Variants in DENND2C observed in about 807,000 individuals in gnomAD.
The protein encoded by DENND2C is DENN domain containing 2C.
A neutral mutation model predicts 112.4 loss-of-function variants in DENND2C; 72 were observed. The observed-to-expected ratio is 0.64, with a 90% CI of 0.53 to 0.78. DENND2C has a LOEUF of 0.78. DENND2C is among the 30% of genes least tolerant of loss of function. The pLI is 0.00. For missense variants in DENND2C, 992 were observed against 1,113.8 expected (o/e 0.89, Z 1.56); for synonymous variants, 329 against 381.6 (o/e 0.86, Z 1.61).
intron 3 of DENND2C, among the ~76,000 whole-genome samples, chr1:114,640,598 A>G (rs1197562169): frequency 6.6e-6 from 1 of 152,208 alleles, no homozygotes; most frequent in East Asian, 1.9e-4. Flanking sequence ...CGTCTGTTCT[A>G]GAGACATTAA....
Position 114,585,567 on chromosome 1 carries a change from G to A in DENND2C, c.*33C>T. ...AAAAATATTTTCTTTGGCACTTTCT[G>A]TTGTATATTCAGGATGGAGACAATC... is the stretch of plus-strand genomic sequence containing the variant. On this transcript the variant is annotated 3_prime_UTR_variant, in exon 21 of 21. Transcript: ENST00000393274. 1 of 1,610,282 alleles carries A rather than the reference G, an allele frequency of 6.2e-7. No individual in the cohort carries two copies. The highest frequency in any genetic ancestry group is 1.1e-5 in the South Asian group (1 of 90,916).
intron 2 of DENND2C, among the ~76,000 whole-genome samples, chr1:114,648,503 TAAGAG>T (rs931328671): frequency 1.3e-5 from 2 of 152,202 alleles, no homozygotes; most frequent in African/African-American, 2.4e-5. Flanking sequence ...TAAGGCTGTA[TAAGAG>T]AAGAATTACA....
chr1:114,587,770 G>A lies in DENND2C; in HGVS notation c.2614C>T (p.Gln872Ter). ...RHFLDLFMET[Q>*]MFAGFIQDRE... ...TCCTGGATGAATCCTGCAAACATCT[G>A]AGTTTCCATGAAGAGATCCAGGAAG... Residue 872 changes from glutamine to a stop codon, truncating the protein, a stop_gained, in exon 19 of 21, where the codon CAG becomes TAG. Transcript: ENST00000393274. LOFTEE classifies it high-confidence loss of function. 1 of 1,614,062 alleles carries A rather than the reference G, an allele frequency of 6.2e-7. No homozygotes were observed.
chr1:114,660,855 G>C (rs1657471046), intron 1 of DENND2C, among the ~76,000 whole-genome samples: 1 of 152,084 alleles, frequency 6.6e-6, no homozygotes, highest in Admixed American at 6.5e-5. Context: ...TCTCATGCCT[G>C]TAATCCCTGC....
At chr1:114,657,887 A>C (rs1321199307) in intron 1 of DENND2C, among the ~76,000 whole-genome samples, 1 of 152,182 alleles carries the variant, frequency 6.6e-6, no homozygotes, top group Admixed American at 6.5e-5. Context: ...AAAAGAAACA[A>C]GGGTATAAAG....
intron 1 of DENND2C, among the ~76,000 whole-genome samples, chr1:114,657,016 G>T (rs1003027493): frequency 1.3e-5 from 2 of 152,198 alleles, no homozygotes; most frequent in South Asian, 4.1e-4. Flanking sequence ...CTCCCAAAGT[G>T]CTGGGATTAC....
At chr1:114,649,726 A>C (rs892768229) in intron 2 of DENND2C, among the ~76,000 whole-genome samples, 11 of 152,186 alleles carry the variant, frequency 7.2e-5, no homozygotes, top group African/African-American at 1.2e-4. Context: ...ATTCTTAGCA[A>C]GACACTGAAA....
chr1:114,601,419 T>TAG (rs1655501599), intron 13 of DENND2C, 89 bp downstream of exon 13: 1 of 1,344,978 alleles, frequency 7.4e-7, no homozygotes, highest in African/African-American at 1.5e-5. Flanking sequence ...ATAGGGAACC[T>TAG]TTCTGAAGTA....
At chr1:114,616,317 A>C (rs1655970497) in intron 8 of DENND2C, among the ~76,000 whole-genome samples, 1 of 151,166 alleles carries the variant, frequency 6.6e-6, no homozygotes, top group Non-Finnish European at 1.5e-5. Flanking sequence ...ACTTGAATCC[A>C]GAAGGCAGAG....
chr1:114,626,181 G>C lies in DENND2C; in HGVS notation c.-197C>G. 1 of 516,614 alleles carries C rather than the reference G, an allele frequency of 1.9e-6. No homozygotes were observed. Among genetic ancestry groups the C allele is most frequent in the Non-Finnish European group, 3.4e-6 (1 of 298,290 alleles). The allele number at this position is 516,614 out of a possible 1,614,324, so 32.0% of individuals were successfully genotyped here. On this transcript the variant is annotated 5_prime_UTR_variant, in exon 4 of 21. Transcript: ENST00000393274. The stretch of plus-strand genomic sequence containing the variant: ...TTGAAAATGGCTACAACCTGATCTT[G>C]AATAATCCTGTTAAAATGACACAAA...
chr1:114,639,583 GA>G (rs11346651), intron 3 of DENND2C, among the ~76,000 whole-genome samples: 69,612 of 129,926 alleles, frequency 0.54, 16,885 homozygotes, highest in South Asian at 0.63. Flanking sequence ...ACTCCATCTT[GA>G]AAAAAAAAAA....
chr1:114,650,673 CAAAAAA>C lies in DENND2C; in HGVS notation c.-317+3826_-317+3831del, dbSNP rs58693255. ...TGGGCGACAGAGCGAGACTCCGTCT[CAAAAAA>C]AAAAAAAAAAAAAAAAGAATTTCAG... On this transcript the variant is annotated intron_variant, in intron 2 of 20. Transcript: ENST00000393274. 1.6e-4 allele frequency among the ~76,000 whole-genome samples: 10 copies of C among 61,616 alleles called. No homozygotes were observed. In the South Asian group the frequency reaches 2.9e-3, roughly 18 times the overall value. 40.4% of individuals were successfully genotyped at this position (61,616 alleles called of 152,430 possible). A position where few individuals can be genotyped will look rare whatever the true frequency, so the allele number is the denominator to read the frequency against.
rs182470324 is a variant in DENND2C at position 114,632,417 on chromosome 1, A to T, written c.-204-6229T>A. On this transcript the variant is annotated intron_variant, in intron 3 of 20. Coordinates refer to ENST00000393274, the MANE Select transcript of DENND2C (RefSeq NM_001256404.2). ...AATTCTTAAGAAGTCAGAGAAAAAAAATATATATACAGGGGAAACAAGGTA... is the reference window on the plus strand; with the variant it reads ...AATTCTTAAGAAGTCAGAGAAAAAATATATATATACAGGGGAAACAAGGTA... Among the ~76,000 whole-genome samples, 724 of 152,284 alleles carry T rather than the reference A, an allele frequency of 4.8e-3. 14 individuals are homozygous for T. Among genetic ancestry groups the T allele is most frequent in the Admixed American group, 0.035 (538 of 15,294 alleles).
At chr1:114,629,367 T>C (rs902415020) in intron 3 of DENND2C, among the ~76,000 whole-genome samples, 4 of 152,202 alleles carry the variant, frequency 2.6e-5, no homozygotes, top group African/African-American at 9.6e-5. Context: ...AACCTCCGCC[T>C]CCCAGGTTCA....
At chr1:114,619,232 G>A (rs933668194) in intron 7 of DENND2C, among the ~76,000 whole-genome samples, 12 of 152,142 alleles carry the variant, frequency 7.9e-5, no homozygotes, top group African/African-American at 2.9e-4. Flanking sequence ...GTAAAAAAGA[G>A]GAAAGATTCG....
chr1:114,621,830 T>C (rs1257001749), intron 7 of DENND2C, 65 bp downstream of exon 7: 1 of 1,536,420 alleles, frequency 6.5e-7, no homozygotes, highest in East Asian at 2.4e-5. Context: ...GTCTAAAGTT[T>C]ACTTATTCTC....
At position 114,600,249 on chromosome 1, in the gene DENND2C, G is replaced by C. The variant is rs149711393; in HGVS notation, c.2060C>G (p.Ser687Cys). ...SVCHLIRVCA[S>C]LLLERRVIFV... is the part of the protein sequence containing the mutation. Reference sequence around the variant, plus strand: ...GATTACCCTACGCTCCAAAAGGAGAGAGGCACAGACCCGGATGAGATGACA... The same window carrying C: ...GATTACCCTACGCTCCAAAAGGAGACAGGCACAGACCCGGATGAGATGACA... Residue 687 changes from serine (S) to cysteine (C), a missense_variant, in exon 15 of 21, where the codon TCT becomes TGT. Transcript: ENST00000393274. 1.2e-5 allele frequency: 19 copies of C among 1,613,956 alleles called. No homozygotes were observed. Among genetic ancestry groups the C allele is most frequent in the Non-Finnish European group, 1.5e-5 (18 of 1,180,006 alleles).
chr1:114,664,703 C>T (rs1409833321), intron 1 of DENND2C, among the ~76,000 whole-genome samples: 1 of 151,590 alleles, frequency 6.6e-6, no homozygotes, highest in Non-Finnish European at 1.5e-5. Flanking sequence ...GGGTCTCAAA[C>T]TCCTGACTGA....
chr1:114,656,587 G>A (rs748622233), intron 1 of DENND2C, among the ~76,000 whole-genome samples: 2 of 151,520 alleles, frequency 1.3e-5, no homozygotes, highest in Non-Finnish European at 2.9e-5. Context: ...TAGTAGAGAC[G>A]TAGTTTCACC....
Sources: allele counts gnomAD v4.1 joint callset (sites outside exome capture counted in the v4.1 genomes callset), GRCh38; gene constraint gnomAD v4.1.1; transcripts MANE v1.5; gene names NCBI Gene and HGNC (gene_info 2026-07-23, HGNC 2026-07-21).